AKAP6: variants seen among roughly 807,000 people sequenced by gnomAD.
AKAP6 encodes A-kinase anchoring protein 6.
A neutral mutation model predicts 188.5 loss-of-function variants in AKAP6; 58 were observed. The observed-to-expected ratio is 0.31, with a 90% CI of 0.25 to 0.38. The LOEUF (loss-of-function observed/expected upper bound fraction) is 0.38. Among genes scored for constraint, AKAP6 ranks in the 10% least tolerant of loss-of-function variants. The probability of loss-of-function intolerance (pLI) is 1.00; values close to 1 mark genes in which losing one functional copy is unlikely to be tolerated. For missense variants in AKAP6, 2,710 were observed against 2,740.0 expected (o/e 0.99, Z 0.24); for synonymous variants, 989 against 998.6 (o/e 0.99, Z 0.18).
intron 12 of AKAP6, among the ~76,000 whole-genome samples, chr14:32,796,922 A>G (rs910788704): frequency 2.6e-5 from 4 of 152,222 alleles, no homozygotes; most frequent in African/African-American, 9.6e-5. Flanking sequence ...TAATACCCTG[A>G]GTCTACAAGG....
At chr14:32,436,258 T>C (rs1594611448) in intron 2 of AKAP6, among the ~76,000 whole-genome samples, 1 of 152,210 alleles carries the variant, frequency 6.6e-6, no homozygotes, top group African/African-American at 2.4e-5. Context: ...GCACAGATAA[T>C]TGCCTAATTT....
chr14:32,596,264 A>G (rs1238490012), intron 5 of AKAP6, among the ~76,000 whole-genome samples: 2 of 152,218 alleles, frequency 1.3e-5, no homozygotes, highest in Non-Finnish European at 2.9e-5. Flanking sequence ...TGACTATCCA[A>G]CTGGGCTATT....
chr14:32,556,070 G>A (rs1325166630), intron 4 of AKAP6, among the ~76,000 whole-genome samples: 4 of 151,786 alleles, frequency 2.6e-5, no homozygotes, highest in Admixed American at 2.0e-4. Flanking sequence ...CACCAACAGA[G>A]TACAGAGTTC....
At chr14:32,566,907 A>C (rs1281941778) in intron 4 of AKAP6, among the ~76,000 whole-genome samples, 1 of 151,968 alleles carries the variant, frequency 6.6e-6, no homozygotes, top group Non-Finnish European at 1.5e-5. Context: ...TGGTGAGTGA[A>C]TGTTATCTGT....
At chr14:32,556,670 T>C (rs571276796) in intron 4 of AKAP6, among the ~76,000 whole-genome samples, 1 of 152,328 alleles carries the variant, frequency 6.6e-6, no homozygotes, top group African/African-American at 2.4e-5. Context: ...CCTTATTATA[T>C]GTATGATTTG....
chr14:32,381,307 T>C (rs1260154464), intron 1 of AKAP6, among the ~76,000 whole-genome samples: 1 of 151,786 alleles, frequency 6.6e-6, no homozygotes, highest in Non-Finnish European at 1.5e-5. Context: ...ACCTCCACAC[T>C]CCAGCCTGGG....
chr14:32,606,646 G>A (rs1886137935), intron 7 of AKAP6, among the ~76,000 whole-genome samples: 1 of 152,062 alleles, frequency 6.6e-6, no homozygotes, highest in East Asian at 1.9e-4. Context: ...GACCTAGCCT[G>A]AGTCCCAACT....
chr14:32,507,013 C>T (rs17412357), intron 2 of AKAP6, among the ~76,000 whole-genome samples: 10,018 of 152,118 alleles, frequency 0.066, 396 homozygotes, highest in Admixed American at 0.11. Context: ...AGGAAGGAGA[C>T]ACTGGTGACT....
chr14:32,775,735 T>G (rs964847924), intron 12 of AKAP6, among the ~76,000 whole-genome samples: 1 of 152,194 alleles, frequency 6.6e-6, no homozygotes, highest in African/African-American at 2.4e-5. Flanking sequence ...AGCCTTTTAT[T>G]CTACTTCTAT....
At chr14:32,817,993 G>T (rs778253511) in intron 12 of AKAP6, among the ~76,000 whole-genome samples, 2 of 152,056 alleles carry the variant, frequency 1.3e-5, no homozygotes, top group Non-Finnish European at 2.9e-5. Context: ...TGCCCCAGGG[G>T]TATATTTTAT....
At chr14:32,336,296 G>A (rs1315298139) in intron 1 of AKAP6, among the ~76,000 whole-genome samples, 1 of 151,966 alleles carries the variant, frequency 6.6e-6, no homozygotes, top group Non-Finnish European at 1.5e-5. Context: ...AGAAGCCTAA[G>A]AATAGAGTCT....
chr14:32,788,282 T>TAAC (rs1455584420), intron 12 of AKAP6, among the ~76,000 whole-genome samples: 25 of 152,242 alleles, frequency 1.6e-4, no homozygotes, highest in Admixed American at 1.6e-3. Context: ...GCAAATTATT[T>TAAC]AACTTTTCTG....
chr14:32,418,745 A>C (rs1481565076), intron 1 of AKAP6, among the ~76,000 whole-genome samples: 1 of 152,114 alleles, frequency 6.6e-6, no homozygotes, highest in East Asian at 1.9e-4. Flanking sequence ...AGCGGTTCTC[A>C]TTGTTGCTAT....
intron 1 of AKAP6, among the ~76,000 whole-genome samples, chr14:32,354,680 C>T (rs980693014): frequency 6.6e-6 from 1 of 152,064 alleles, no homozygotes. Flanking sequence ...TTCTATTTTT[C>T]TTTCTCATAA....
At position 32,820,500 on chromosome 14, in the gene AKAP6, G is replaced by A. The variant is rs542405976; in HGVS notation, c.3589-902G>A. 9.2e-5 allele frequency among the ~76,000 whole-genome samples: 14 copies of A among 152,092 alleles called. No individual in the cohort carries two copies. In the South Asian group the frequency reaches 2.7e-3, roughly 29 times the overall value. ...GCAGAGAGCAGCATAAGGGAATCTG[G>A]GCTACTTCATCCTGGGGTGGTCAGG... On this transcript the variant is annotated intron_variant, in intron 12 of 13. Coordinates refer to ENST00000280979, the MANE Select transcript of AKAP6 (RefSeq NM_004274.5).
intron 7 of AKAP6, among the ~76,000 whole-genome samples, chr14:32,629,732 A>G (rs1887179094): frequency 1.3e-5 from 2 of 150,176 alleles, no homozygotes; most frequent in African/African-American, 5.0e-5. Context: ...GGATTTTTAA[A>G]TATAACTCAA....
At chr14:32,703,806 C>CT (rs1309020972) in intron 9 of AKAP6, among the ~76,000 whole-genome samples, 1 of 152,148 alleles carries the variant, frequency 6.6e-6, no homozygotes, top group Non-Finnish European at 1.5e-5. Flanking sequence ...AGTAAAGAGG[C>CT]TTCCACAGAC....
At chr14:32,466,847 T>TATATATATATATATATATATATATATATA (rs1555331133) in intron 2 of AKAP6, among the ~76,000 whole-genome samples, 4 of 77,836 alleles carry the variant, frequency 5.1e-5, no homozygotes, top group Non-Finnish European at 8.8e-5. Flanking sequence ...ATATATATAT[T>TATATATATATATATATATATATATATATA]TTCTTTCTTA....
intron 5 of AKAP6, among the ~76,000 whole-genome samples, chr14:32,589,976 T>A (rs1594766988): frequency 6.6e-6 from 1 of 151,918 alleles, no homozygotes; most frequent in Admixed American, 6.5e-5. Context: ...TACTTCTCTA[T>A]TGCATTATGT....
Sources: gnomAD v4.1 joint callset for allele counts (sites outside exome capture counted in the v4.1 genomes callset) on GRCh38, gnomAD v4.1.1 for gene constraint, MANE v1.5 for transcripts, NCBI Gene and HGNC (gene_info 2026-07-23, HGNC 2026-07-21) for gene names.